The following RAD51B variants were observed in gnomAD, a reference collection of about 807,000 sequenced individuals.
RAD51B encodes the protein DNA repair protein RAD51 homolog 2.
A neutral mutation model predicts 42.2 loss-of-function variants in RAD51B; 38 were observed. That is an observed-to-expected ratio of 0.90 (90% confidence interval 0.70 to 1.18). The LOEUF is 1.18. Ranked by LOEUF, RAD51B falls within the 50% of genes most tolerant of loss-of-function variation. RAD51B has a pLI of 0.00. For synonymous variants in RAD51B, 154 were observed against 145.2 expected, an observed-to-expected ratio of 1.06 and a Z score of -0.43; for missense variants, 373 against 400.7, an observed-to-expected ratio of 0.93 and a Z score of 0.59.
chr14:68,311,568 C>T (rs926235372), intron 8 of RAD51B, among the ~76,000 whole-genome samples: 11 of 152,194 alleles, frequency 7.2e-5, no homozygotes, highest in African/African-American at 2.7e-4. Flanking sequence ...ATGTTGATGT[C>T]ATTTGTGAGG....
chr14:68,120,049 T>A (rs2077620845), intron 7 of RAD51B, among the ~76,000 whole-genome samples: 1 of 152,250 alleles, frequency 6.6e-6, no homozygotes, highest in African/African-American at 2.4e-5. Flanking sequence ...TGGTTTTGAT[T>A]TGCATTTCTC....
At chr14:68,353,194 A>T (rs979334171) in intron 8 of RAD51B, among the ~76,000 whole-genome samples, 2 of 152,214 alleles carry the variant, frequency 1.3e-5, no homozygotes, top group African/African-American at 4.8e-5. Context: ...CCTGATTTGC[A>T]ACTGGCATCG....
chr14:68,612,388 G>T (rs1468903444), downstream of RAD51B, among the ~76,000 whole-genome samples: 1 of 152,244 alleles, frequency 6.6e-6, no homozygotes, highest in Non-Finnish European at 1.5e-5. Context: ...GTCTGGGGAT[G>T]TGTTTGCACT....
chr14:67,866,498 A>C (rs2042340083), intron 5 of RAD51B, among the ~76,000 whole-genome samples: 1 of 152,252 alleles, frequency 6.6e-6, no homozygotes, highest in Non-Finnish European at 1.5e-5. Context: ...TGGGTAAAGA[A>C]TTCAAAGATT....
chr14:68,575,187 C>G (rs1256889080), intron 10 of RAD51B, among the ~76,000 whole-genome samples: 2 of 152,178 alleles, frequency 1.3e-5, no homozygotes, highest in African/African-American at 4.8e-5. Flanking sequence ...GGTTTTCTGT[C>G]AAAGATACTG....
chr14:68,130,909 T>A (rs907524796), intron 7 of RAD51B, among the ~76,000 whole-genome samples: 2 of 152,136 alleles, frequency 1.3e-5, no homozygotes, highest in Non-Finnish European at 2.9e-5. Context: ...TGTGTGTGTG[T>A]CTTTTATTTA....
intron 10 of RAD51B, among the ~76,000 whole-genome samples, chr14:68,643,358 T>G (rs1892502247): frequency 6.6e-6 from 1 of 152,254 alleles, no homozygotes; most frequent in African/African-American, 2.4e-5. Flanking sequence ...TAGCATGGTA[T>G]GTCTTTATCC....
intron 10 of RAD51B, among the ~76,000 whole-genome samples, chr14:68,607,567 C>A (rs1205329737): frequency 6.6e-6 from 1 of 152,212 alleles, no homozygotes; most frequent in Non-Finnish European, 1.5e-5. Context: ...TGAGCTTCTG[C>A]CGAGCTTAAG....
chr14:68,282,797 C>T (rs2081344360), intron 7 of RAD51B, among the ~76,000 whole-genome samples: 1 of 152,226 alleles, frequency 6.6e-6, no homozygotes, highest in African/African-American at 2.4e-5. Context: ...GTTTGGAGAG[C>T]CCTTGGTGGT....
intron 8 of RAD51B, among the ~76,000 whole-genome samples, chr14:68,321,431 C>A (rs2139765467): frequency 6.6e-6 from 1 of 152,326 alleles, no homozygotes; most frequent in Non-Finnish European, 1.5e-5. Flanking sequence ...GTGTGGAATG[C>A]TGGTGCCACA....
intron 7 of RAD51B, among the ~76,000 whole-genome samples, chr14:68,000,843 G>C (rs1595234502): frequency 6.6e-6 from 1 of 152,230 alleles, no homozygotes; most frequent in Admixed American, 6.5e-5. Context: ...CTGTCTCTGA[G>C]AACCATTATT....
intron 7 of RAD51B, among the ~76,000 whole-genome samples, chr14:68,014,724 G>A: frequency 7.4e-6 from 1 of 134,826 alleles, no homozygotes; most frequent in East Asian, 2.0e-4. Flanking sequence ...ATAAATAAAT[G>A]TAGGAATCTA....
chr14:68,204,834 A>G (rs2079554879), intron 7 of RAD51B, among the ~76,000 whole-genome samples: 3 of 152,224 alleles, frequency 2.0e-5, no homozygotes, highest in Admixed American at 2.0e-4. Flanking sequence ...TAATGAAGTA[A>G]ATTATCTTTC....
intron 9 of RAD51B, 88 bp downstream of exon 9, chr14:68,411,615 G>A (rs188988172): frequency 1.5e-4 from 184 of 1,248,036 alleles, no homozygotes; most frequent in Admixed American, 1.3e-3. Flanking sequence ...AATGCTGGCC[G>A]CATTGTCTGT....
intron 7 of RAD51B, among the ~76,000 whole-genome samples, chr14:68,103,921 A>G (rs2077333231): frequency 6.6e-6 from 1 of 152,186 alleles, no homozygotes; most frequent in Admixed American, 6.5e-5. Context: ...TATTAGAAGC[A>G]CTAGTTGGCA....
chr14:68,102,055 C>A (rs2077300045), intron 7 of RAD51B, among the ~76,000 whole-genome samples: 1 of 152,196 alleles, frequency 6.6e-6, no homozygotes, highest in African/African-American at 2.4e-5. Flanking sequence ...GAAGCAATGG[C>A]CTGAAATGTA....
At chr14:68,583,688 G>A (rs375839958) in intron 10 of RAD51B, among the ~76,000 whole-genome samples, 10 of 152,142 alleles carry the variant, frequency 6.6e-5, no homozygotes, top group African/African-American at 2.4e-4. Context: ...ACATGTGCAA[G>A]CTCCGCAGTG....
At chr14:68,255,174 T>G (rs2080726664) in intron 7 of RAD51B, among the ~76,000 whole-genome samples, 1 of 152,116 alleles carries the variant, frequency 6.6e-6, no homozygotes, top group African/African-American at 2.4e-5. Context: ...CTAAAAACAT[T>G]AATATCTTAC....
chr14:68,613,349 T>C (rs61987066), downstream of RAD51B, among the ~76,000 whole-genome samples: 29,082 of 151,100 alleles, frequency 0.19, 2,952 homozygotes, highest in Middle Eastern at 0.23. Context: ...ACCCAGGAGG[T>C]GGAGGTTGCA....
Sources: allele counts gnomAD v4.1 joint callset (sites outside exome capture counted in the v4.1 genomes callset), GRCh38; gene constraint gnomAD v4.1.1; transcripts MANE v1.5; gene names NCBI Gene and HGNC (gene_info 2026-07-23, HGNC 2026-07-21).